INF2: variants seen among roughly 807,000 people sequenced by gnomAD.
INF2 encodes the protein inverted formin-2.
Under a neutral mutation model 123.5 loss-of-function variants are expected in INF2, and 43 were observed. That is an observed-to-expected ratio of 0.35 (90% CI 0.27 to 0.45). The LOEUF is 0.45. INF2 is among the 20% of genes least tolerant of loss of function. The pLI is 1.00. For synonymous variants in INF2, 851 were observed against 745.0 expected (o/e 1.14, Z -2.32); for missense variants, 1,453 against 1,682.7 (o/e 0.86, Z 2.39).
At position 104,714,318 on chromosome 14, in the gene INF2, C is replaced by T. The variant is rs977402929; in HGVS notation, c.3156C>T (p.Ala1052=). Residue 1052 remains alanine, a synonymous_variant, in exon 21 of 23, where the codon GCC becomes GCT. Transcript: ENST00000392634. ...CCCGGGGCTGGGACCTTGTAGACGCCGTGACCCCCGGCCCTCAGCCCACCC... is the reference window on the plus strand; with the variant it reads ...CCCGGGGCTGGGACCTTGTAGACGCTGTGACCCCCGGCCCTCAGCCCACCC... ...SESRGWDLVD[A]VTPGPQPTLE... The T allele has an allele frequency of 1.6e-5, 25 of 1,589,432 alleles. No individual in the cohort carries two copies. The highest frequency in any genetic ancestry group is 2.3e-5 in the East Asian group (1 of 43,410).
chr14:104,706,288 A>G, intron 6 of INF2, 112 bp downstream of exon 6: 1 of 1,158,904 alleles, frequency 8.6e-7, no homozygotes, highest in Non-Finnish European at 1.2e-6. Flanking sequence ...CCCTGCTGTG[A>G]CCTGGGCCAT....
intron 1 of INF2, among the ~76,000 whole-genome samples, chr14:104,694,509 G>A (rs1337796688): frequency 6.6e-6 from 1 of 152,244 alleles, no homozygotes; most frequent in Non-Finnish European, 1.5e-5. Flanking sequence ...CGGGCGGTCA[G>A]TGCGTGGTTA....
upstream of INF2, among the ~76,000 whole-genome samples, chr14:104,687,373 C>T (rs866923740): frequency 4.6e-5 from 7 of 151,992 alleles, no homozygotes; most frequent in South Asian, 8.3e-4. This position sits in a 1 kb window ranked among gnomAD's most constrained non-coding sequence, Gnocchi z 5.6. Flanking sequence ...CCTGCTGCCC[C>T]GGGCATGGTG....
Position 104,718,961 on chromosome 14 carries a change from T to C in INF2, c.*168T>C, listed in dbSNP as rs1422046807. On this transcript the variant is annotated 3_prime_UTR_variant, in exon 23 of 23. Coordinates refer to ENST00000392634, the MANE Select transcript of INF2 (RefSeq NM_022489.4). ...CTCCTGGAGCCTTCTTGGGGTGTTGTGGCTGGGAACCCGACAGGCACCAGT... is the reference window on the plus strand; with the variant it reads ...CTCCTGGAGCCTTCTTGGGGTGTTGCGGCTGGGAACCCGACAGGCACCAGT... The C allele has an allele frequency of 7.1e-7, 1 of 1,414,978 alleles. No individual in the cohort carries two copies. Among genetic ancestry groups the C allele is most frequent in the Non-Finnish European group, 9.2e-7 (1 of 1,085,744 alleles). The allele number at this position is 1,414,978 out of a possible 1,614,324, so 87.7% of individuals were successfully genotyped here.
rs1329227344 is a variant in INF2, at chr14:104,701,678, G to A, written c.313G>A (p.Val105Met). 1.3e-6 allele frequency: 2 copies of A among 1,580,308 alleles called. No homozygotes were observed. The highest frequency in any genetic ancestry group is 1.8e-5 in the Admixed American group (1 of 56,964). The change falls in exon 2 of 23, where the codon GTG (valine) becomes ATG (methionine). Residue 105 changes from valine (V) to methionine (M), a missense_variant. Val to Met is a conservative substitution (Grantham distance 21). Transcript: ENST00000392634. ...GCTGCAGCTCACCTGCGTCAGCTGC[G>A]TGCGCGCCGTCATGAACTCGCGGCA... is the stretch of plus-strand genomic sequence containing the variant. ...ALLQLTCVSC[V>M]RAVMNSRQGI...
chr14:104,681,711 C>A, intron 1 of INF2: 2 of 727,170 alleles, frequency 2.8e-6, no homozygotes, highest in Non-Finnish European at 4.0e-6. Context: ...GAGGGCAGCA[C>A]GCTGGTGCAG....
Position 104,715,450 on chromosome 14 carries a change from C to A in INF2, c.*1+110C>A, listed in dbSNP as rs543379118. ...ACACTAACCTGGCTTCTCTCCAGCC[C>A]GCGTGGTGCGTCAGTGTGGCCTTGC... is the stretch of plus-strand genomic sequence containing the variant. On this transcript the variant is annotated intron_variant, in intron 22 of 22. Coordinates refer to ENST00000392634, the MANE Select transcript of INF2 (RefSeq NM_022489.4). 159 of 1,025,024 alleles carry A rather than the reference C, an allele frequency of 1.6e-4. 1 individual carries two copies. In the South Asian group the frequency reaches 1.9e-3, roughly 13 times the overall value. The allele number at this position is 1,025,024 out of a possible 1,614,324, so 63.5% of individuals were successfully genotyped here.
chr14:104,699,602 A>G lies in INF2; in HGVS notation c.-9-1755A>G. The G allele has an allele frequency of 2.0e-6, 2 of 980,940 alleles. No individual in the cohort carries two copies. Among genetic ancestry groups the G allele is most frequent in the Non-Finnish European group, 2.4e-6 (2 of 828,538 alleles). 60.8% of individuals were successfully genotyped at this position (980,940 alleles called of 1,614,324 possible). A position where few individuals can be genotyped will look rare whatever the true frequency, so the allele number is the denominator to read the frequency against. ...CCGGAAGGTCTTGCGCATCTGGGTG[A>G]GTGGACGGCCACTGGGTGACCAAGA... On this transcript the variant is annotated intron_variant, in intron 1 of 22. Transcript: ENST00000392634. The surrounding 1 kb of genome is among the most constrained non-coding windows in gnomAD (Gnocchi z 4.7).
chr14:104,707,681 C>T lies in INF2; in HGVS notation c.1414C>T (p.Pro472Ser). The change falls in exon 8 of 23, where the codon CCA (proline) becomes TCA (serine). Residue 472 changes from proline (P) to serine (S), a missense_variant. Transcript: ENST00000392634. The stretch of plus-strand genomic sequence containing the variant: ...GCCAGGCCTGGGGGCCATGGCCCCC[C>T]CAGCACCTCCTCTACCACCACCCCT... Reference protein sequence around the residue: ...PLPGLGAMAPPAPPLPPPLPG... With the variant: ...PLPGLGAMAPSAPPLPPPLPG... The T allele has an allele frequency of 2.0e-6, 2 of 996,222 alleles. No individual in the cohort carries two copies. The highest frequency in any genetic ancestry group is 3.0e-6 in the Non-Finnish European group (2 of 668,786). 61.7% of individuals were successfully genotyped at this position (996,222 alleles called of 1,614,324 possible).
chr14:104,711,068 G>T lies in INF2; in HGVS notation c.2311-11G>T. The T allele has an allele frequency of 1.2e-6, 2 of 1,603,270 alleles. No homozygotes were observed. The highest frequency in any genetic ancestry group is 1.7e-6 in the Non-Finnish European group (2 of 1,176,558). ...CAGGGGCTGGTGAGACTCACTCCCT[G>T]CCCCTCCCAGGGCAGCCACACCGGT... On this transcript the variant is annotated splice_polypyrimidine_tract_variant and intron_variant, in intron 14 of 22. Coordinates refer to ENST00000392634, the MANE Select transcript of INF2 (RefSeq NM_022489.4).
chr14:104,707,592 C>T lies in INF2; in HGVS notation c.1325C>T (p.Pro442Leu), dbSNP rs1566781656. 7.2e-6 allele frequency: 8 copies of T among 1,106,430 alleles called. No individual in the cohort carries two copies. In the South Asian group the frequency reaches 9.5e-5, roughly 13 times the overall value. The allele number at this position is 1,106,430 out of a possible 1,614,324, so 68.5% of individuals were successfully genotyped here. ...GSSAEPPPPP[P>L]PPPLPSVGAK... ...AGTGCCGAGCCCCCTCCCCCTCCCC[C>T]ACCACCCCCCCTGCCCAGTGTGGGG... is the stretch of plus-strand genomic sequence containing the variant. Residue 442 changes from proline to leucine, a missense_variant, in exon 8 of 23, where the codon CCA (proline) becomes CTA (leucine). Physicochemically the swap from Pro to Leu is moderately conservative, Grantham distance 98. Coordinates refer to ENST00000392634, the MANE Select transcript of INF2 (RefSeq NM_022489.4).
intron 21 of INF2, 123 bp downstream of exon 21, chr14:104,714,979 G>C: frequency 9.2e-7 from 1 of 1,091,642 alleles, no homozygotes. Flanking sequence ...ACTTGGGTGC[G>C]GCACGGGAGA....
At chr14:104,692,869 G>A (rs934383375) in intron 1 of INF2, among the ~76,000 whole-genome samples, 1 of 152,216 alleles carries the variant, frequency 6.6e-6, no homozygotes, top group African/African-American at 2.4e-5. Context: ...GCAGCAGGGA[G>A]GGAGAGAGAG....
rs564510154 is a variant in INF2 at position 104,714,637 on chromosome 14, C to G, written c.3475C>G (p.Arg1159Gly). The G allele has an allele frequency of 6.2e-7, 1 of 1,612,464 alleles. No homozygotes were observed. The highest frequency in any genetic ancestry group is 8.5e-7 in the Non-Finnish European group (1 of 1,179,824). Reference sequence around the variant, plus strand: ...GGGGCTGGAGGACGCTGTCCACAGCCGTGGTGCCAGACCCCCTGCAGCAGG... The same window carrying G: ...GGGGCTGGAGGACGCTGTCCACAGCGGTGGTGCCAGACCCCCTGCAGCAGG... ...SEGLEDAVHS[R>G]GARPPAAGPG... Residue 1159 changes from arginine to glycine, a missense_variant, in exon 21 of 23, where the codon CGT becomes GGT. Transcript: ENST00000392634.
intron 1 of INF2, 66 bp downstream of exon 1, chr14:104,689,805 G>C: frequency 1.1e-6 from 1 of 905,294 alleles, no homozygotes. Flanking sequence ...GGAGGCAGGG[G>C]CGTGCTTGGG....
chr14:104,691,729 G>A (rs922786158), intron 1 of INF2, among the ~76,000 whole-genome samples: 1 of 152,154 alleles, frequency 6.6e-6, no homozygotes, highest in African/African-American at 2.4e-5. Context: ...GAGAGGGCAG[G>A]GGCACGGGCT....
chr14:104,712,256 AGGGG>A (rs1890086414), intron 16 of INF2, among the ~76,000 whole-genome samples, 173 bp from the exon 17 acceptor site: 1 of 152,124 alleles, frequency 6.6e-6, no homozygotes, highest in Non-Finnish European at 1.5e-5. Context: ...AGATGCTCAC[AGGGG>A]GCTGAGGGTC....
chr14:104,688,383 C>A (rs1196571778), upstream of INF2, among the ~76,000 whole-genome samples: 1 of 152,216 alleles, frequency 6.6e-6, no homozygotes, highest in Non-Finnish European at 1.5e-5. Context: ...CCAAAGGACA[C>A]GCAGCTGGCC....
At chr14:104,709,515 C>A in intron 11 of INF2, 105 bp from the exon 12 acceptor site, 1 of 1,303,662 alleles carries the variant, frequency 7.7e-7, no homozygotes, top group Non-Finnish European at 1.1e-6. Context: ...AACCGTGAGC[C>A]ACAGGGAGCC....
Sources: allele counts gnomAD v4.1 joint callset (sites outside exome capture counted in the v4.1 genomes callset), GRCh38; gene constraint gnomAD v4.1.1; non-coding constraint Gnocchi (gnomAD v3.1); transcripts MANE v1.5; gene names NCBI Gene and HGNC (gene_info 2026-07-23, HGNC 2026-07-21).